Variants in FMN2 observed in about 807,000 individuals in gnomAD.
FMN2 encodes the protein formin-2.
FMN2 carries 51 observed loss-of-function variants against 142.3 expected under a neutral mutation model. The observed-to-expected ratio is 0.36, with a 90% confidence interval of 0.29 to 0.45. FMN2 has a LOEUF of 0.45. FMN2 is among the 20% of genes least tolerant of loss of function. The pLI is 1.00. For missense variants in FMN2, 1,936 were observed against 2,122.8 expected, an observed-to-expected ratio of 0.91 and a Z score of 1.73; for synonymous variants, 882 against 869.8, an observed-to-expected ratio of 1.01 and a Z score of -0.25.
intron 7 of FMN2, among the ~76,000 whole-genome samples, chr1:240,282,697 A>G (rs1336369498): frequency 6.6e-6 from 1 of 152,236 alleles, no homozygotes; most frequent in Non-Finnish European, 1.5e-5. Context: ...CAAGCATCTT[A>G]GTGGTGAGAT....
rs943875621 is a variant in FMN2, at chr1:240,427,367, A to G, written c.4911-10694A>G. Reference sequence around the variant, plus strand: ...ACTACAGGCGCCCGCCACCGCGCCCAGCTAATTTTTTGTGTTTTTAGTAGA... The same window carrying G: ...ACTACAGGCGCCCGCCACCGCGCCCGGCTAATTTTTTGTGTTTTTAGTAGA... On this transcript the variant is annotated intron_variant, in intron 15 of 17. Transcript: ENST00000319653. 5.9e-5 allele frequency among the ~76,000 whole-genome samples: 9 copies of G among 151,820 alleles called. No homozygotes were observed. The South Asian group carries it at 1.7e-3, about 28-fold the overall frequency.
At chr1:240,459,717 T>TAAAAAAAAAAAAAAAAAAAAAA (rs57065226) in intron 16 of FMN2, among the ~76,000 whole-genome samples, 1 of 67,128 alleles carries the variant, frequency 1.5e-5, no homozygotes. Context: ...ACTCTGTCTC[T>TAAAAAAAAAAAAAAAAAAAAAA]AAAAAAAAAA....
rs77728223 is a variant in FMN2, at chr1:240,134,913, G to A, written c.1782+11568G>A. Among the ~76,000 whole-genome samples the A allele has an allele frequency of 1.5e-4, 23 of 152,088 alleles. No individual in the cohort carries two copies. The East Asian group carries it at 3.3e-3, about 22-fold the overall frequency. On this transcript the variant is annotated intron_variant, in intron 2 of 17. Coordinates refer to ENST00000319653, the MANE Select transcript of FMN2 (RefSeq NM_020066.5). ...AAATGGAAAGAGTAGGGAAAGCTACGGGGAGGTAACTGCAAATTGTGAAGG... is the reference window on the plus strand; with the variant it reads ...AAATGGAAAGAGTAGGGAAAGCTACAGGGAGGTAACTGCAAATTGTGAAGG...
At chr1:240,361,815 G>A (rs1210834563) in intron 14 of FMN2, among the ~76,000 whole-genome samples, 2 of 152,192 alleles carry the variant, frequency 1.3e-5, no homozygotes, top group African/African-American at 4.8e-5. Context: ...CACCTAGGAG[G>A]TTAAGAAAAA....
At chr1:240,176,820 G>C (rs548106303) in intron 2 of FMN2, among the ~76,000 whole-genome samples, 1 of 152,164 alleles carries the variant, frequency 6.6e-6, no homozygotes, top group South Asian at 2.1e-4. Flanking sequence ...CAACGCTGAG[G>C]CTAACCCCAG....
At chr1:240,302,783 A>AT (rs1458999682) in intron 8 of FMN2, among the ~76,000 whole-genome samples, 1 of 152,084 alleles carries the variant, frequency 6.6e-6, no homozygotes, top group East Asian at 1.9e-4. Context: ...GATTTGCCTG[A>AT]TATCTAAGTA....
intron 1 of FMN2, among the ~76,000 whole-genome samples, chr1:240,101,253 C>T (rs1226482362): frequency 6.6e-6 from 1 of 152,142 alleles, no homozygotes; most frequent in Non-Finnish European, 1.5e-5. Context: ...CACTGTGGTT[C>T]TATAGATATG....
At chr1:240,300,412 A>G (rs1670156226) in intron 8 of FMN2, among the ~76,000 whole-genome samples, 1 of 152,196 alleles carries the variant, frequency 6.6e-6, no homozygotes, top group Non-Finnish European at 1.5e-5. Flanking sequence ...ACTTACAAAT[A>G]TAGGAACATT....
Position 240,417,404 on chromosome 1 carries a change from A to C in FMN2, c.4911-20657A>C, listed in dbSNP as rs1674613503. On this transcript the variant is annotated intron_variant, in intron 15 of 17. Transcript: ENST00000319653. ...ACACTATCAATGTGAAGCTACTTTA[A>C]TTAAATTCCCTGCTTTAGCTTGAGA... Among the ~76,000 whole-genome samples, 3 of 151,800 alleles carry C rather than the reference A, an allele frequency of 2.0e-5. No homozygotes were observed. In the South Asian group the frequency reaches 6.2e-4, roughly 31 times the overall value.
In FMN2 at chr1:240,453,921, G is replaced by A. The variant is rs533684417; in HGVS notation, c.5060+15711G>A. Among the ~76,000 whole-genome samples the A allele has an allele frequency of 4.8e-4, 29 of 60,886 alleles. 10 individuals are homozygous for A. Among genetic ancestry groups the A allele is most frequent in the African/African-American group, 1.3e-3 (26 of 19,912 alleles). The allele number at this position is 60,886 out of a possible 152,430, so 39.9% of individuals were successfully genotyped here. A position where few individuals can be genotyped will look rare whatever the true frequency, so the allele number is the denominator to read the frequency against. On this transcript the variant is annotated intron_variant, in intron 16 of 17. Coordinates refer to ENST00000319653, the MANE Select transcript of FMN2 (RefSeq NM_020066.5). ...GGAGAATGGCGTGAACCCGGGAAGC[G>A]GAGCTTGCAGTGAGCCGAGATTGCG...
intron 2 of FMN2, among the ~76,000 whole-genome samples, chr1:240,173,471 G>T (rs972724841): frequency 6.6e-6 from 1 of 152,180 alleles, no homozygotes; most frequent in African/African-American, 2.4e-5. Flanking sequence ...TTCAGCAGAG[G>T]TGGGTCTGAT....
In FMN2 at chr1:240,187,977, A is replaced by G. The variant is rs1205670985; in HGVS notation, c.1931-230A>G. 2.0e-5 allele frequency among the ~76,000 whole-genome samples: 3 copies of G among 152,228 alleles called. No homozygotes were observed. In the East Asian group the frequency reaches 5.8e-4, roughly 29 times the overall value. On this transcript the variant is annotated intron_variant, in intron 3 of 17. Transcript: ENST00000319653. ...GGATAGTTGATATATAGAGAAGGGCATAGGAATATCCCAATTTTTAAAAAT... is the reference window on the plus strand; with the variant it reads ...GGATAGTTGATATATAGAGAAGGGCGTAGGAATATCCCAATTTTTAAAAAT...
intron 16 of FMN2, among the ~76,000 whole-genome samples, chr1:240,439,802 C>G (rs11799544): frequency 6.9e-6 from 1 of 145,036 alleles, no homozygotes. Flanking sequence ...CAGGCTTGCT[C>G]AGTTTGGAAG....
At chr1:240,378,847 A>G (rs1290115794) in intron 14 of FMN2, among the ~76,000 whole-genome samples, 1 of 152,094 alleles carries the variant, frequency 6.6e-6, no homozygotes, top group South Asian at 2.1e-4. Context: ...CATTATGTTC[A>G]TGTTTTTCTT....
chr1:240,365,172 TAC>T (rs1672621432), intron 14 of FMN2, among the ~76,000 whole-genome samples: 1 of 147,602 alleles, frequency 6.8e-6, no homozygotes, highest in African/African-American at 2.6e-5. Flanking sequence ...CATACATACA[TAC>T]GTGTGCATAT....
At chr1:240,315,726 C>T (rs770222678) in intron 8 of FMN2, among the ~76,000 whole-genome samples, 1 of 152,018 alleles carries the variant, frequency 6.6e-6, no homozygotes, top group Non-Finnish European at 1.5e-5. Context: ...TTAATGTAAC[C>T]CGGAGAAGAA....
chr1:240,355,779 A>C (rs1217894603), intron 13 of FMN2, 37 bp from the exon 14 acceptor site: 2 of 1,473,524 alleles, frequency 1.4e-6, no homozygotes, highest in Admixed American at 3.5e-5. Flanking sequence ...CTCCACTAAC[A>C]GTGTGACACT....
At chr1:240,420,835 G>T (rs1307784885) in intron 15 of FMN2, among the ~76,000 whole-genome samples, 2 of 152,150 alleles carry the variant, frequency 1.3e-5, no homozygotes, top group Non-Finnish European at 2.9e-5. Context: ...GGTTCTCGCA[G>T]ACTACTTGTG....
chr1:240,199,118 AC>A (rs756565535), intron 4 of FMN2, among the ~76,000 whole-genome samples: 258 of 152,258 alleles, frequency 1.7e-3, no homozygotes, highest in Non-Finnish European at 2.8e-3. Flanking sequence ...AAACAAACAA[AC>A]AAAAAACAAT....
Sources: gnomAD v4.1 joint callset for allele counts (sites outside exome capture counted in the v4.1 genomes callset) on GRCh38, gnomAD v4.1.1 for gene constraint, MANE v1.5 for transcripts, NCBI Gene and HGNC (gene_info 2026-07-23, HGNC 2026-07-21) for gene names.